Variants in NETO1 observed in about 807,000 individuals in gnomAD.
NETO1 encodes neuropilin and tolloid-like protein 1.
A neutral mutation model predicts 61.3 loss-of-function variants in NETO1; 26 were observed. The observed-to-expected ratio is 0.42, with a 90% confidence interval of 0.31 to 0.59. The LOEUF (loss-of-function observed/expected upper bound fraction) is 0.59, where lower values mean the gene tolerates loss of function less well. Among genes scored for constraint, NETO1 ranks in the 20% least tolerant of loss-of-function variants. The probability of loss-of-function intolerance (pLI) is 0.12; values close to 1 mark genes in which losing one functional copy is unlikely to be tolerated. For synonymous variants in NETO1, 225 were observed against 225.8 expected (o/e 1.00, Z 0.03); for missense variants, 531 against 662.8 (o/e 0.80, Z 2.18).
intron 7 of NETO1, 24 bp downstream of exon 7, chr18:72,783,654 A>G: frequency 6.2e-7 from 1 of 1,604,634 alleles, no homozygotes; most frequent in Non-Finnish European, 8.5e-7. Flanking sequence ...CGAAGGAAAA[A>G]TAGTCAAGTG....
At chr18:72,800,853 T>C (rs2072482224) in intron 4 of NETO1, among the ~76,000 whole-genome samples, 1 of 152,226 alleles carries the variant, frequency 6.6e-6, no homozygotes, top group Non-Finnish European at 1.5e-5. Flanking sequence ...CTTGATTTTA[T>C]TATATGTTGA....
chr18:72,840,800 A>C (rs1260700955), intron 4 of NETO1, among the ~76,000 whole-genome samples: 2 of 152,214 alleles, frequency 1.3e-5, no homozygotes, highest in African/African-American at 4.8e-5. Flanking sequence ...ATTCAGGTAG[A>C]GTGACTGATA....
At chr18:72,786,804 T>A (rs761570001) in intron 6 of NETO1, among the ~76,000 whole-genome samples, 1 of 151,588 alleles carries the variant, frequency 6.6e-6, no homozygotes, top group South Asian at 2.1e-4. Context: ...GTTTTTTCAA[T>A]GTTAACATGA....
intron 8 of NETO1, among the ~76,000 whole-genome samples, chr18:72,755,277 G>A (rs1343869115): frequency 6.6e-6 from 1 of 152,164 alleles, no homozygotes; most frequent in Non-Finnish European, 1.5e-5. Flanking sequence ...CCTACTGACT[G>A]TATGAAACAA....
intron 4 of NETO1, among the ~76,000 whole-genome samples, chr18:72,796,636 C>A (rs1415814205): frequency 6.6e-6 from 1 of 152,070 alleles, no homozygotes; most frequent in Non-Finnish European, 1.5e-5. Context: ...GCCACTGTGC[C>A]CAGCTAATTT....
chr18:72,864,753 A>G (rs200875197), intron 3 of NETO1, 55 bp downstream of exon 3: 50 of 1,610,634 alleles, frequency 3.1e-5, no homozygotes, highest in Non-Finnish European at 5.9e-6. Context: ...CAAAGCACAG[A>G]GATGGCAAGG....
intron 7 of NETO1, among the ~76,000 whole-genome samples, chr18:72,772,825 CTATATATATATA>C (rs59339805): frequency 0.029 from 1,133 of 39,672 alleles, 13 homozygotes; most frequent in Non-Finnish European, 0.033. Flanking sequence ...CTCTCTCTCT[CTATATATATATA>C]TATATATATA....
At position 72,750,631 on chromosome 18, in the gene NETO1, G is replaced by A. The variant is rs766805477; in HGVS notation, c.983-11C>T. On this transcript the variant is annotated splice_polypyrimidine_tract_variant and intron_variant, in intron 8 of 10. Transcript: ENST00000327305. ...TGGTTTTCCTCTTCTCTATAGGTTG[G>A]AGAGAGTGAAAACAACAAACGGACA... 13 of 1,576,354 alleles carry A rather than the reference G, an allele frequency of 8.2e-6. No individual in the cohort carries two copies. The highest frequency in any genetic ancestry group is 1.3e-5 in the African/African-American group (1 of 74,110).
At chr18:72,866,898 C>CT in intron 1 of NETO1, 7 of 590,982 alleles carry the variant, frequency 1.2e-5, no homozygotes, top group Non-Finnish European at 1.6e-5. Context: ...AAGAGGAAGA[C>CT]TCCTCTGGCC....
In NETO1 at chr18:72,802,158, TA is replaced by T. The variant is rs59199203; in HGVS notation, c.470-7755del. ...TGAAGAGTTGAGAAAATAAGAATTC[TA>T]AAAAAAAAAAAACAGTATATTTTTA... On this transcript the variant is annotated intron_variant, in intron 4 of 10. Coordinates refer to ENST00000327305, the MANE Select transcript of NETO1 (RefSeq NM_138966.5). Among the ~76,000 whole-genome samples the T allele has an allele frequency of 4.6e-3, 617 of 134,008 alleles. 2 individuals carry two copies. Among genetic ancestry groups the T allele is most frequent in the East Asian group, 0.012 (54 of 4,440 alleles). The allele number at this position is 134,008 out of a possible 152,430, so 87.9% of individuals were successfully genotyped here.
At position 72,810,600 on chromosome 18, in the gene NETO1, A is replaced by G. The variant is rs575818830; in HGVS notation, c.470-16196T>C. Among the ~76,000 whole-genome samples the G allele has an allele frequency of 2.0e-5, 3 of 152,320 alleles. No homozygotes were observed. The East Asian group carries it at 5.8e-4, about 29-fold the overall frequency. ...ACTTCTTTCCACTGGCATTTAGAAA[A>G]TCTGTAATTTTGAAAAGGCACTGCA... On this transcript the variant is annotated intron_variant, in intron 4 of 10. Transcript: ENST00000327305.
At chr18:72,750,913 A>ACACACACACACACACACAC (rs61569037) in intron 8 of NETO1, among the ~76,000 whole-genome samples, 3 of 119,782 alleles carry the variant, frequency 2.5e-5, no homozygotes, top group Admixed American at 8.5e-5. Context: ...ACACACACAC[A>ACACACACACACACACACAC]ATCCTCTATC....
intron 8 of NETO1, among the ~76,000 whole-genome samples, chr18:72,751,537 G>T (rs2070617516): frequency 6.6e-6 from 1 of 152,138 alleles, no homozygotes; most frequent in African/African-American, 2.4e-5. Context: ...TTCTTTTCTG[G>T]CCTGAGTGGC....
chr18:72,781,370 A>T (rs571187231), intron 7 of NETO1, among the ~76,000 whole-genome samples: 12 of 152,212 alleles, frequency 7.9e-5, no homozygotes, highest in Middle Eastern at 3.2e-3. Flanking sequence ...ATCAGCAGTG[A>T]GCCACCAAGG....
At chr18:72,785,942 T>A (rs2071901357) in intron 6 of NETO1, among the ~76,000 whole-genome samples, 1 of 152,212 alleles carries the variant, frequency 6.6e-6, no homozygotes, top group Non-Finnish European at 1.5e-5. Flanking sequence ...ATTTTGAACA[T>A]ATTTAAAGCC....
chr18:72,809,169 A>G (rs1288622325), intron 4 of NETO1, among the ~76,000 whole-genome samples: 2 of 152,222 alleles, frequency 1.3e-5, no homozygotes, highest in Non-Finnish European at 2.9e-5. Context: ...AAAGCCACAC[A>G]TAAGGCATAT....
At chr18:72,782,377 T>A (rs2145224571) in intron 7 of NETO1, among the ~76,000 whole-genome samples, 1 of 152,288 alleles carries the variant, frequency 6.6e-6, no homozygotes, top group South Asian at 2.1e-4. Flanking sequence ...GATTGTTGGG[T>A]CAAATGGTAG....
chr18:72,821,298 A>C (rs866232436), intron 4 of NETO1, among the ~76,000 whole-genome samples: 4 of 149,620 alleles, frequency 2.7e-5, no homozygotes, highest in African/African-American at 9.8e-5. Context: ...ATCTCAGCAC[A>C]TTGGGAGGAC....
At chr18:72,864,678 CAA>C in intron 3 of NETO1, 128 bp downstream of exon 3, 12 of 1,190,422 alleles carry the variant, frequency 1.0e-5, no homozygotes, top group Non-Finnish European at 1.3e-5. Context: ...TTGATTCACT[CAA>C]GAGATATTTT....
Sources: allele counts gnomAD v4.1 joint callset (sites outside exome capture counted in the v4.1 genomes callset), GRCh38; gene constraint gnomAD v4.1.1; transcripts MANE v1.5; gene names NCBI Gene and HGNC (gene_info 2026-07-23, HGNC 2026-07-21).